MBD1: variants seen among roughly 807,000 people sequenced by gnomAD.
MBD1 encodes methyl-CpG-binding domain protein 1.
MBD1 carries 25 observed loss-of-function variants against 82.6 expected under a neutral mutation model. That is an observed-to-expected ratio of 0.30 (90% CI 0.22 to 0.42). The LOEUF (loss-of-function observed/expected upper bound fraction) is 0.42. MBD1 is among the 10% of genes least tolerant of loss of function. The pLI, the probability that MBD1 is intolerant of heterozygous loss-of-function variation, is 1.00. For missense variants in MBD1, 627 were observed against 819.6 expected, an observed-to-expected ratio of 0.76 and a Z score of 2.87; for synonymous variants, 301 against 303.7, an observed-to-expected ratio of 0.99 and a Z score of 0.09.
chr18:50,272,614 A>T, intron 15 of MBD1, 63 bp downstream of exon 15: 3 of 1,587,100 alleles, frequency 1.9e-6, no homozygotes, highest in Non-Finnish European at 2.6e-6. Flanking sequence ...ATACTTTCAA[A>T]ACTCAGGGCC....
Position 50,273,696 on chromosome 18 carries a change from T to C in MBD1, c.1314A>G (p.Pro438=). Reference sequence around the variant, plus strand: ...AGCCACCACCTGCTTCCTGCTTCGTTGGAGCCTGGGTATGGTCTGGTTGGG... The same window carrying C: ...AGCCACCACCTGCTTCCTGCTTCGTCGGAGCCTGGGTATGGTCTGGTTGGG... The part of the protein sequence containing the change: ...RTAQPDHTQA[P]TKQEAGGGFV... The change falls in exon 12 of 17, where the codon CCA becomes CCG. Residue 438 remains proline (P), a synonymous_variant. Coordinates refer to ENST00000269468, the MANE Select transcript of MBD1 (RefSeq NM_015846.4). The C allele has an allele frequency of 6.2e-7, 1 of 1,614,154 alleles. No individual in the cohort carries two copies. The highest frequency in any genetic ancestry group is 2.2e-5 in the East Asian group (1 of 44,874).
intron 6 of MBD1, 122 bp downstream of exon 6, chr18:50,276,256 G>A (rs756935169): frequency 7.0e-5 from 73 of 1,050,074 alleles, no homozygotes; most frequent in Non-Finnish European, 1.1e-4. Context: ...CTGACCTATG[G>A]AGAGCACCCT....
Position 50,270,161 on chromosome 18 carries a change from G to C in MBD1, c.*33-343C>G, listed in dbSNP as rs1436708673. ...CTAGTTAGGATGGAATAAAGGAAGG[G>C]GTGGGGAAGGTGGCAGAGGCTGGAC... is the stretch of plus-strand genomic sequence containing the variant. On this transcript the variant is annotated intron_variant, in intron 16 of 16. Coordinates refer to ENST00000269468, the MANE Select transcript of MBD1 (RefSeq NM_015846.4). The C allele has an allele frequency of 3.1e-6, 5 of 1,597,984 alleles. No homozygotes were observed. The Admixed American group carries it at 8.3e-5, about 27-fold the overall frequency.
At chr18:50,273,209 T>C (rs747389108) in intron 13 of MBD1, 125 bp downstream of exon 13, 108 of 1,410,960 alleles carry the variant, frequency 7.7e-5, no homozygotes, top group Non-Finnish European at 9.0e-5. Flanking sequence ...GGCGGGGTAA[T>C]TCTGCAGAAA....
intron 1 of MBD1, among the ~76,000 whole-genome samples, chr18:50,280,514 T>G (rs1242439945): frequency 6.6e-6 from 1 of 151,806 alleles, no homozygotes; most frequent in Non-Finnish European, 1.5e-5. Context: ...CTAATTTCCC[T>G]CCTTCAGTGT....
intron 1 of MBD1, 78 bp downstream of exon 1, chr18:50,281,285 C>T: frequency 6.9e-7 from 1 of 1,445,896 alleles, no homozygotes; most frequent in Non-Finnish European, 9.4e-7. Flanking sequence ...TCATTCCTCC[C>T]CGTCAGCGTT....
intron 10 of MBD1, 102 bp downstream of exon 10, chr18:50,274,875 G>T (rs1371442336): frequency 3.4e-6 from 4 of 1,188,296 alleles, no homozygotes; most frequent in Non-Finnish European, 5.0e-6. Flanking sequence ...CCATTATTGT[G>T]CCTTGCTGTT....
intron 1 of MBD1, among the ~76,000 whole-genome samples, chr18:50,280,836 T>C (rs955434929): frequency 7.9e-5 from 12 of 152,020 alleles, no homozygotes; most frequent in Non-Finnish European, 1.3e-4. Flanking sequence ...TCCTCCCTTA[T>C]CATCCAGAGA....
At position 50,277,190 on chromosome 18, in the gene MBD1, C is replaced by T. The variant is rs1429195882; in HGVS notation, c.125G>A (p.Arg42Lys). The T allele has an allele frequency of 1.9e-6, 3 of 1,613,832 alleles. No homozygotes were observed. The highest frequency in any genetic ancestry group is 2.5e-6 in the Non-Finnish European group (3 of 1,179,898). Residue 42 changes from arginine (R) to lysine (K), a missense_variant, in exon 3 of 17, where the codon AGG becomes AAG. By Grantham distance (26) the Arg-to-Lys change is conservative. Coordinates refer to ENST00000269468, the MANE Select transcript of MBD1 (RefSeq NM_015846.4). ...AGTCAGCTCAACTTTGCTTCGGATC[C>T]TGTCTCCTGTGGGGCTAGGGATGGG... ...DTYYQSPTGD[R>K]IRSKVELTRY...
chr18:50,273,293 C>T (rs747258323), intron 13 of MBD1, 41 bp downstream of exon 13: 2 of 1,612,084 alleles, frequency 1.2e-6, no homozygotes. Context: ...TTACAGACCA[C>T]TCCGCTACGG....
chr18:50,267,506 G>A, downstream of MBD1: 2 of 897,560 alleles, frequency 2.2e-6, no homozygotes, highest in Non-Finnish European at 3.5e-6. Flanking sequence ...GAGGGTCACA[G>A]TGGACCAGGG....
In MBD1 at chr18:50,269,390, C is replaced by T. The variant is rs1307027580; in HGVS notation, c.*461G>A. 2 of 1,167,680 alleles carry T rather than the reference C, an allele frequency of 1.7e-6. No individual in the cohort carries two copies. The highest frequency in any genetic ancestry group is 3.1e-5 in the African/African-American group (2 of 64,524). The allele number at this position is 1,167,680 out of a possible 1,614,324, so 72.3% of individuals were successfully genotyped here. A position where few individuals can be genotyped will look rare whatever the true frequency, so the allele number is the denominator to read the frequency against. ...GGAACTCTCTTCCAGTAAGATGGGC[C>T]ACAAGAGACATTTTGCTTGATAACC... On this transcript the variant is annotated 3_prime_UTR_variant, in exon 17 of 17. Transcript: ENST00000269468.
chr18:50,275,530 G>T, intron 8 of MBD1, 70 bp downstream of exon 8: 1 of 1,612,588 alleles, frequency 6.2e-7, no homozygotes, highest in Non-Finnish European at 8.5e-7. Context: ...GCAAGGCCAG[G>T]TTGAAAGGAA....
At chr18:50,281,277 A>C (rs2040180743) in intron 1 of MBD1, 86 bp downstream of exon 1, 1 of 1,472,424 alleles carries the variant, frequency 6.8e-7, no homozygotes, top group South Asian at 1.2e-5. Flanking sequence ...AGGGCCCTTC[A>C]TTCCTCCCCG....
chr18:50,269,941 T>G (rs2034778109), intron 16 of MBD1, 123 bp from the exon 17 acceptor site: 12 of 1,403,746 alleles, frequency 8.5e-6, no homozygotes, highest in Non-Finnish European at 1.2e-5. Context: ...TACATAATCT[T>G]TATCTTAGTG....
In MBD1 at chr18:50,273,367, A is replaced by G. The variant is rs1204343063; in HGVS notation, c.1551T>C (p.Thr517=). The G allele has an allele frequency of 1.9e-6, 3 of 1,614,204 alleles. No homozygotes were observed. The South Asian group carries it at 3.3e-5, about 18-fold the overall frequency. Residue 517 remains threonine, a synonymous_variant, in exon 13 of 17, where the codon ACT becomes ACC. Coordinates refer to ENST00000269468, the MANE Select transcript of MBD1 (RefSeq NM_015846.4). ...DEWTPGTAVL[T]SPVLVPGCPS... ...GGCAGCCAGGCACCAATACGGGAGA[A>G]GTCAGGACAGCTGTGCCTGGTGTCC...
downstream of MBD1, among the ~76,000 whole-genome samples, chr18:50,268,176 C>T (rs2034157686): frequency 6.6e-6 from 1 of 152,224 alleles, no homozygotes; most frequent in Non-Finnish European, 1.5e-5. Flanking sequence ...GAACCACCCC[C>T]ACCACACATC....
At chr18:50,276,163 CCT>C (rs1398736723) in intron 6 of MBD1, 182 bp from the exon 7 acceptor site, 3 of 847,832 alleles carry the variant, frequency 3.5e-6, no homozygotes, top group African/African-American at 1.7e-5. Flanking sequence ...CTACTGGTCC[CCT>C]GTTCACTTCA....
At chr18:50,274,069 T>C in intron 11 of MBD1, 117 bp downstream of exon 11, 2 of 1,448,238 alleles carry the variant, frequency 1.4e-6, no homozygotes, top group Non-Finnish European at 1.9e-6. Flanking sequence ...TGTCTGTTAA[T>C]CCTCAACCAA....
Sources: gnomAD v4.1 joint callset for allele counts (sites outside exome capture counted in the v4.1 genomes callset) on GRCh38, gnomAD v4.1.1 for gene constraint, MANE v1.5 for transcripts, NCBI Gene and HGNC (gene_info 2026-07-23, HGNC 2026-07-21) for gene names.